ROBO2: variants seen among roughly 807,000 people sequenced by gnomAD.
ROBO2 encodes the protein roundabout homolog 2.
ROBO2 carries 53 observed loss-of-function variants against 160.8 expected under a neutral mutation model. The observed-to-expected ratio is 0.33, with a 90% CI of 0.26 to 0.41. ROBO2 has a LOEUF of 0.41. Ranked by LOEUF, ROBO2 falls within the 10% of genes least tolerant of loss-of-function variation. ROBO2 has a pLI of 1.00. For synonymous variants in ROBO2, 664 were observed against 611.7 expected, an observed-to-expected ratio of 1.09 and a Z score of -1.26; for missense variants, 1,577 against 1,722.4, an observed-to-expected ratio of 0.92 and a Z score of 1.49.
At chr3:76,763,123 A>G (rs758256896) in intron 2 of ROBO2, among the ~76,000 whole-genome samples, 4 of 151,652 alleles carry the variant, frequency 2.6e-5, no homozygotes, top group East Asian at 3.9e-4. Context: ...TTAGAAGACA[A>G]TTGAAAATAC....
chr3:76,891,562 G>C (rs1290909350), intron 2 of ROBO2, among the ~76,000 whole-genome samples: 1 of 152,026 alleles, frequency 6.6e-6, no homozygotes, highest in Non-Finnish European at 1.5e-5. Context: ...GTTCAAGCAA[G>C]CTCCAGTTGA....
intron 1 of ROBO2, among the ~76,000 whole-genome samples, chr3:75,909,517 C>T (rs1946477750): frequency 6.6e-6 from 1 of 152,174 alleles, no homozygotes; most frequent in African/African-American, 2.4e-5. Context: ...ATTCCCTGAA[C>T]ATTTATAGCT....
At chr3:77,528,394 A>G (rs910821711) in intron 6 of ROBO2, among the ~76,000 whole-genome samples, 1 of 151,490 alleles carries the variant, frequency 6.6e-6, no homozygotes, top group African/African-American at 2.4e-5. Context: ...CATCATTGAC[A>G]CCTGATATAT....
intron 19 of ROBO2, 31 bp downstream of exon 20, chr3:77,596,781 T>A (rs1204179081): frequency 6.3e-7 from 1 of 1,597,688 alleles, no homozygotes; most frequent in South Asian, 1.1e-5. Flanking sequence ...TAGTGTTATT[T>A]GAGTTCTCTC....
At chr3:76,141,159 C>CTCTCTCTATA (rs1364431015) in intron 2 of ROBO2, among the ~76,000 whole-genome samples, 4 of 9,174 alleles carry the variant, frequency 4.4e-4, no homozygotes, top group Admixed American at 2.2e-3. Context: ...CTCTCTCTCT[C>CTCTCTCTATA]TATATATATA....
intron 1 of ROBO2, among the ~76,000 whole-genome samples, chr3:77,082,890 A>AT (rs2068825854): frequency 6.6e-6 from 1 of 152,080 alleles, no homozygotes; most frequent in African/African-American, 2.4e-5. Flanking sequence ...TTCTTTAAAA[A>AT]ATATATACAG....
chr3:77,508,352 CATAT>C (rs201207211), intron 5 of ROBO2, among the ~76,000 whole-genome samples: 1 of 147,282 alleles, frequency 6.8e-6, no homozygotes, highest in African/African-American at 2.5e-5. Flanking sequence ...TTATATAAAA[CATAT>C]ATTATTATAA....
At chr3:77,256,556 C>A (rs1341972452) in intron 2 of ROBO2, among the ~76,000 whole-genome samples, 1 of 152,070 alleles carries the variant, frequency 6.6e-6, no homozygotes, top group South Asian at 2.1e-4. Flanking sequence ...TTTTATTCAG[C>A]AGAAACATCT....
chr3:76,705,893 G>A (rs941288716), intron 2 of ROBO2, among the ~76,000 whole-genome samples: 4 of 152,006 alleles, frequency 2.6e-5, no homozygotes, highest in African/African-American at 9.7e-5. Flanking sequence ...TTAGAATGGC[G>A]GGTGAACAGC....
chr3:76,298,719 TA>T (rs1487182069), intron 2 of ROBO2, among the ~76,000 whole-genome samples: 1 of 152,206 alleles, frequency 6.6e-6, no homozygotes, highest in Non-Finnish European at 1.5e-5. Flanking sequence ...AGAAAATAAT[TA>T]AATAACTTAA....
chr3:76,026,444 T>G (rs1445081084), intron 2 of ROBO2, among the ~76,000 whole-genome samples: 1 of 151,942 alleles, frequency 6.6e-6, no homozygotes, highest in African/African-American at 2.4e-5. Context: ...CTTTTTCTTC[T>G]TGAATTACTG....
intron 2 of ROBO2, among the ~76,000 whole-genome samples, chr3:77,274,848 CCAGA>C (rs2059725088): frequency 1.3e-5 from 2 of 151,964 alleles, no homozygotes; most frequent in Non-Finnish European, 2.9e-5. Flanking sequence ...TCCATGAACA[CCAGA>C]CAGTTAAAAG....
chr3:76,063,009 A>G (rs952575867), intron 2 of ROBO2, among the ~76,000 whole-genome samples: 7 of 152,212 alleles, frequency 4.6e-5, no homozygotes, highest in Non-Finnish European at 8.8e-5. Context: ...TTTAGAAATC[A>G]ATTACTGTAA....
chr3:76,836,681 A>G (rs1165519170), intron 2 of ROBO2, among the ~76,000 whole-genome samples: 1 of 151,620 alleles, frequency 6.6e-6, no homozygotes, highest in Non-Finnish European at 1.5e-5. Context: ...ATATTTGGGA[A>G]TTTTCTAGAT....
intron 2 of ROBO2, among the ~76,000 whole-genome samples, chr3:76,108,128 A>C (rs2108215101): frequency 6.6e-6 from 1 of 152,152 alleles, no homozygotes; most frequent in Middle Eastern, 3.4e-3. Flanking sequence ...AATCTTTCTG[A>C]CTTTGTAACA....
chr3:77,351,611 T>C (rs1054344578), intron 2 of ROBO2, among the ~76,000 whole-genome samples: 3 of 152,010 alleles, frequency 2.0e-5, no homozygotes, highest in African/African-American at 4.8e-5. Flanking sequence ...AGTGGCAGAG[T>C]CATCTACGTT....
chr3:76,016,976 A>G (rs1473744082), intron 2 of ROBO2, among the ~76,000 whole-genome samples: 1 of 152,164 alleles, frequency 6.6e-6, no homozygotes, highest in Non-Finnish European at 1.5e-5. Flanking sequence ...CATTTAAAAT[A>G]CCATCAGTTA....
At chr3:76,278,052 A>G (rs1708029278) in intron 2 of ROBO2, among the ~76,000 whole-genome samples, 2 of 151,870 alleles carry the variant, frequency 1.3e-5, no homozygotes, top group African/African-American at 4.8e-5. Context: ...AATTGTCATT[A>G]AGAGGTAAAC....
At chr3:76,889,360 G>T (rs553943028) in intron 2 of ROBO2, among the ~76,000 whole-genome samples, 1 of 152,266 alleles carries the variant, frequency 6.6e-6, no homozygotes, top group South Asian at 2.1e-4. Flanking sequence ...TAAGAAATGG[G>T]TGTCAAGAAA....
Sources: gnomAD v4.1 joint callset for allele counts (sites outside exome capture counted in the v4.1 genomes callset) on GRCh38, gnomAD v4.1.1 for gene constraint, MANE v1.5 for transcripts, NCBI Gene and HGNC (gene_info 2026-07-23, HGNC 2026-07-21) for gene names.